MDGA2: variants seen among roughly 807,000 people sequenced by gnomAD.
MDGA2 encodes the protein MAM domain containing glycosylphosphatidylinositol anchor 2.
A neutral mutation model predicts 117.8 loss-of-function variants in MDGA2; 40 were observed. The ratio of observed to expected loss-of-function variants is 0.34; its 90% CI spans 0.26 to 0.44. The LOEUF (loss-of-function observed/expected upper bound fraction) is 0.44. MDGA2 is among the 20% of genes least tolerant of loss of function. The pLI is 1.00. For synonymous variants in MDGA2, 452 were observed against 439.0 expected (o/e 1.03, Z -0.37); for missense variants, 1,123 against 1,250.6 (o/e 0.90, Z 1.54).
At chr14:47,295,771 G>T (rs1889044647) in intron 2 of MDGA2, among the ~76,000 whole-genome samples, 1 of 152,050 alleles carries the variant, frequency 6.6e-6, no homozygotes, top group South Asian at 2.1e-4. Context: ...GGGGGTAGTG[G>T]TACGTGCCTG....
intron 1 of MDGA2, among the ~76,000 whole-genome samples, chr14:47,486,370 C>G (rs146988188): frequency 2.0e-5 from 3 of 152,176 alleles, no homozygotes; most frequent in Admixed American, 2.0e-4. Context: ...GTACCTCCAT[C>G]GTATCTAGGA....
chr14:46,864,545 G>GTTTTTTTTTTTTTTTTTTTTTTTTT (rs71112467), intron 14 of MDGA2, among the ~76,000 whole-genome samples: 1 of 51,472 alleles, frequency 1.9e-5, no homozygotes, highest in Non-Finnish European at 3.9e-5. Flanking sequence ...AGATATTGCT[G>GTTTTTTTTTTTTTTTTTTTTTTTTT]TTTTTTTTTT....
intron 1 of MDGA2, among the ~76,000 whole-genome samples, chr14:47,494,876 TTATA>T (rs10627834): frequency 4.3e-5 from 6 of 141,018 alleles, no homozygotes; most frequent in South Asian, 2.1e-4. Flanking sequence ...TAAAATGTGA[TTATA>T]TATATATATA....
intron 2 of MDGA2, among the ~76,000 whole-genome samples, chr14:47,276,385 C>A (rs1208205902): frequency 6.6e-6 from 1 of 152,042 alleles, no homozygotes; most frequent in Non-Finnish European, 1.5e-5. Flanking sequence ...AATACTTGTG[C>A]AAATACCTTA....
intron 14 of MDGA2, among the ~76,000 whole-genome samples, chr14:46,870,008 G>C (rs2138352362): frequency 6.6e-6 from 1 of 151,972 alleles, no homozygotes; most frequent in South Asian, 2.1e-4. Context: ...TTTCTGGAAG[G>C]ACTATAACCT....
intron 1 of MDGA2, among the ~76,000 whole-genome samples, chr14:47,334,210 AT>A (rs781530474): frequency 4.5e-4 from 68 of 152,002 alleles, no homozygotes; most frequent in African/African-American, 7.0e-4. Context: ...ATTAAAAAAA[AT>A]ATCTAGAGTT....
At chr14:47,271,335 T>A (rs2139703095) in intron 2 of MDGA2, among the ~76,000 whole-genome samples, 1 of 152,330 alleles carries the variant, frequency 6.6e-6, no homozygotes, top group South Asian at 2.1e-4. Flanking sequence ...AGAAAATACC[T>A]ACAAAAGTAC....
At chr14:47,582,117 A>T (rs1033697095) in intron 1 of MDGA2, among the ~76,000 whole-genome samples, 9 of 151,914 alleles carry the variant, frequency 5.9e-5, no homozygotes. Context: ...GTAAAGATTC[A>T]CTAAACATTA....
At chr14:47,414,396 C>A (rs1594845356) in intron 1 of MDGA2, among the ~76,000 whole-genome samples, 1 of 152,022 alleles carries the variant, frequency 6.6e-6, no homozygotes, top group African/African-American at 2.4e-5. Context: ...GAAAAATAAA[C>A]TATATAATTC....
intron 2 of MDGA2, among the ~76,000 whole-genome samples, chr14:47,238,065 G>A (rs1428184995): frequency 1.3e-5 from 2 of 152,070 alleles, no homozygotes; most frequent in African/African-American, 4.8e-5. Context: ...AAGACACCAA[G>A]AGTCCTCCTG....
intron 1 of MDGA2, among the ~76,000 whole-genome samples, chr14:47,424,248 G>A (rs1406814691): frequency 3.9e-5 from 6 of 151,948 alleles, no homozygotes; most frequent in East Asian, 1.9e-4. Flanking sequence ...TGGAGAAACC[G>A]TCGTCTCTAC....
At chr14:46,956,349 T>C (rs1885561101) in intron 9 of MDGA2, among the ~76,000 whole-genome samples, 1 of 152,028 alleles carries the variant, frequency 6.6e-6, no homozygotes, top group African/African-American at 2.4e-5. Context: ...TAATGTACAG[T>C]ATATAGATTA....
At chr14:47,250,757 C>T (rs1015610107) in intron 2 of MDGA2, among the ~76,000 whole-genome samples, 4 of 152,206 alleles carry the variant, frequency 2.6e-5, no homozygotes, top group African/African-American at 7.2e-5. Context: ...AAGTTTTCCA[C>T]ACAGATATGT....
At chr14:46,960,656 G>T (rs1885758369) in intron 8 of MDGA2, 1 of 151,122 alleles carries the variant, frequency 6.6e-6, no homozygotes. Flanking sequence ...ACATTTTTAT[G>T]TTATATATAT....
intron 1 of MDGA2, among the ~76,000 whole-genome samples, chr14:47,497,021 G>A (rs1894295635): frequency 6.6e-6 from 1 of 151,992 alleles, no homozygotes; most frequent in Non-Finnish European, 1.5e-5. Flanking sequence ...CTGACAGCAG[G>A]TGGAGCTAAG....
intron 8 of MDGA2, among the ~76,000 whole-genome samples, chr14:46,982,596 C>CCT (rs1003541347): frequency 6.7e-6 from 1 of 149,266 alleles, no homozygotes; most frequent in Admixed American, 6.8e-5. Flanking sequence ...GTAATTCCAG[C>CCT]TACTTGGGAG....
chr14:47,561,663 A>C (rs1046976961), intron 1 of MDGA2, among the ~76,000 whole-genome samples: 1 of 152,118 alleles, frequency 6.6e-6, no homozygotes, highest in African/African-American at 2.4e-5. Flanking sequence ...TGAATCATAT[A>C]GTCTGCAAAC....
intron 2 of MDGA2, among the ~76,000 whole-genome samples, chr14:47,280,720 G>A (rs1029737849): frequency 2.0e-5 from 3 of 151,784 alleles, no homozygotes; most frequent in African/African-American, 7.3e-5. Flanking sequence ...TAAAAAAATG[G>A]TTTAGTAAGG....
intron 1 of MDGA2, among the ~76,000 whole-genome samples, chr14:47,344,255 C>T (rs375690850): frequency 2.3e-3 from 352 of 152,226 alleles, no homozygotes; most frequent in Non-Finnish European, 4.2e-3. Flanking sequence ...ATTGTCAGGA[C>T]AAATGTTTTG....
Sources: allele counts gnomAD v4.1 joint callset (sites outside exome capture counted in the v4.1 genomes callset), GRCh38; gene constraint gnomAD v4.1.1; transcripts MANE v1.5; gene names NCBI Gene and HGNC (gene_info 2026-07-23, HGNC 2026-07-21).